Variants in FSTL5 observed in about 807,000 individuals in gnomAD.
The protein encoded by FSTL5 is follistatin like 5.
In FSTL5, 62 loss-of-function variants were observed where a neutral mutation model predicts 89.1. The ratio of observed to expected loss-of-function variants is 0.70; its 90% confidence interval spans 0.57 to 0.86. The LOEUF is 0.86. Ranked by LOEUF, FSTL5 falls within the 40% of genes least tolerant of loss-of-function variation. The pLI, the probability that FSTL5 is intolerant of heterozygous loss-of-function variation, is 0.00. For missense variants in FSTL5, 1,057 were observed against 1,001.6 expected (o/e 1.06, Z -0.75); for synonymous variants, 383 against 346.2 (o/e 1.11, Z -1.18).
chr4:162,059,747 G>A (rs1450283158), intron 2 of FSTL5, among the ~76,000 whole-genome samples: 17 of 152,122 alleles, frequency 1.1e-4, no homozygotes, highest in Non-Finnish European at 2.5e-4. Context: ...ATGTTTATAA[G>A]GATGAAGGAG....
chr4:162,130,363 A>T (rs2111456189), intron 1 of FSTL5, among the ~76,000 whole-genome samples: 1 of 151,338 alleles, frequency 6.6e-6, no homozygotes, highest in South Asian at 2.1e-4. Flanking sequence ...CTTTTAAAAC[A>T]AGCTCAATCA....
At chr4:162,024,708 C>T (rs759602181) in intron 3 of FSTL5, among the ~76,000 whole-genome samples, 4 of 152,022 alleles carry the variant, frequency 2.6e-5, no homozygotes, top group Non-Finnish European at 4.4e-5. Flanking sequence ...ATTACCCAGG[C>T]TAGAATGCAG....
intron 6 of FSTL5, among the ~76,000 whole-genome samples, chr4:161,737,799 A>G (rs1222706116): frequency 9.1e-6 from 1 of 110,168 alleles, no homozygotes; most frequent in Non-Finnish European, 2.1e-5. Context: ...AGAGATAAAG[A>G]AAAAAAAATG....
At chr4:161,600,504 A>G (rs1395186646) in intron 7 of FSTL5, among the ~76,000 whole-genome samples, 2 of 152,112 alleles carry the variant, frequency 1.3e-5, no homozygotes, top group Non-Finnish European at 2.9e-5. Flanking sequence ...AATGCAATAA[A>G]AACTGAGTTA....
chr4:161,877,574 C>T (rs1020254064), intron 4 of FSTL5, among the ~76,000 whole-genome samples: 1 of 151,330 alleles, frequency 6.6e-6, no homozygotes, highest in Non-Finnish European at 1.5e-5. Flanking sequence ...CTCCTGTAAT[C>T]CCAGCACTTT....
chr4:161,576,348 G>A (rs767057041), intron 8 of FSTL5, among the ~76,000 whole-genome samples: 5 of 152,100 alleles, frequency 3.3e-5, no homozygotes, highest in Non-Finnish European at 7.3e-5. Context: ...CCAAAAAAGA[G>A]CCGATATAGC....
At chr4:161,574,583 A>T (rs11933204) in intron 8 of FSTL5, among the ~76,000 whole-genome samples, 3,417 of 151,196 alleles carry the variant, frequency 0.023, 132 homozygotes, top group African/African-American at 0.078. Flanking sequence ...TCATTGTTCA[A>T]CTCCCACTTA....
At chr4:161,966,984 C>T (rs749833) in intron 3 of FSTL5, among the ~76,000 whole-genome samples, 15,345 of 151,514 alleles carry the variant, frequency 0.1, 851 homozygotes, top group East Asian at 0.21. Flanking sequence ...ACATATTTTA[C>T]GCAAGATGGA....
intron 1 of FSTL5, among the ~76,000 whole-genome samples, chr4:162,125,269 G>A (rs6833160): frequency 0.15 from 22,898 of 151,878 alleles, 2,763 homozygotes; most frequent in African/African-American, 0.33. Context: ...CTTATTTAAT[G>A]GTTTATGATA....
intron 7 of FSTL5, among the ~76,000 whole-genome samples, chr4:161,610,454 T>C (rs1398434649): frequency 6.6e-6 from 1 of 152,196 alleles, no homozygotes; most frequent in Non-Finnish European, 1.5e-5. Context: ...AGGAAACTGA[T>C]TCTATCCCTT....
intron 13 of FSTL5, among the ~76,000 whole-genome samples, chr4:161,474,962 GAA>G (rs969026780): frequency 4.6e-5 from 7 of 151,594 alleles, no homozygotes; most frequent in African/African-American, 7.3e-5. Flanking sequence ...GTGTATCTGG[GAA>G]TGTCTTAATT....
At chr4:161,527,194 C>T (rs1169655026) in intron 10 of FSTL5, among the ~76,000 whole-genome samples, 1 of 152,148 alleles carries the variant, frequency 6.6e-6, no homozygotes, top group Non-Finnish European at 1.5e-5. Flanking sequence ...ATTTTATTCT[C>T]TTTGAAGCAA....
intron 4 of FSTL5, among the ~76,000 whole-genome samples, chr4:161,904,912 C>CTATGTA (rs1228360521): frequency 2.0e-4 from 30 of 151,666 alleles, no homozygotes; most frequent in South Asian, 8.3e-4. Flanking sequence ...TCATGTAAAT[C>CTATGTA]TATGTATATG....
chr4:161,453,851 C>T (rs1314098054), intron 15 of FSTL5, among the ~76,000 whole-genome samples: 1 of 152,154 alleles, frequency 6.6e-6, no homozygotes, highest in East Asian at 1.9e-4. Flanking sequence ...GCCTTAGCCT[C>T]CCACAATGCT....
At chr4:161,583,138 T>C (rs1004230086) in intron 8 of FSTL5, among the ~76,000 whole-genome samples, 9 of 151,914 alleles carry the variant, frequency 5.9e-5, no homozygotes, top group African/African-American at 2.2e-4. Flanking sequence ...GGGGCGGAGG[T>C]TGCAGGGAGC....
chr4:161,731,054 T>C (rs1312350465), intron 6 of FSTL5, among the ~76,000 whole-genome samples: 2 of 152,206 alleles, frequency 1.3e-5, no homozygotes, highest in African/African-American at 2.4e-5. Flanking sequence ...TACCAGTCAC[T>C]ATCAAATGAG....
At chr4:161,830,542 G>A (rs1054716961) in intron 4 of FSTL5, among the ~76,000 whole-genome samples, 11 of 151,636 alleles carry the variant, frequency 7.3e-5, no homozygotes, top group African/African-American at 1.9e-4. Flanking sequence ...GTTCATTTAT[G>A]TTGTGGCCTA....
At chr4:161,950,099 A>G (rs990047480) in intron 3 of FSTL5, among the ~76,000 whole-genome samples, 5 of 152,116 alleles carry the variant, frequency 3.3e-5, no homozygotes, top group Admixed American at 3.3e-4. Context: ...GAGTCAATAC[A>G]TCTGTTTTGA....
chr4:161,956,920 A>C (rs972125957), intron 3 of FSTL5, among the ~76,000 whole-genome samples: 1 of 152,022 alleles, frequency 6.6e-6, no homozygotes, highest in Non-Finnish European at 1.5e-5. Context: ...AAAATTTTAC[A>C]TACATAAAAT....
Sources: gnomAD v4.1 joint callset for allele counts (sites outside exome capture counted in the v4.1 genomes callset) on GRCh38, gnomAD v4.1.1 for gene constraint, MANE v1.5 for transcripts, NCBI Gene and HGNC (gene_info 2026-07-23, HGNC 2026-07-21) for gene names.